The following HLCS variants were observed in gnomAD, a reference collection of about 807,000 sequenced individuals.
HLCS encodes holocarboxylase synthetase.
Under a neutral mutation model 75.0 loss-of-function variants are expected in HLCS, and 53 were observed. The observed-to-expected ratio is 0.71, with a 90% CI of 0.57 to 0.89. The LOEUF (loss-of-function observed/expected upper bound fraction) is 0.89, where lower values mean the gene tolerates loss of function less well. Ranked by LOEUF, HLCS falls within the 40% of genes least tolerant of loss-of-function variation. The pLI is 0.00. For missense variants in HLCS, 966 were observed against 1,074.0 expected (o/e 0.90, Z 1.41); for synonymous variants, 431 against 428.6 (o/e 1.01, Z -0.07).
chr21:36,826,397 T>C (rs1437483764), intron 6 of HLCS, among the ~76,000 whole-genome samples: 1 of 152,132 alleles, frequency 6.6e-6, no homozygotes, highest in Non-Finnish European at 1.5e-5. Context: ...CAGAAGTTTG[T>C]GGAATGAATG....
chr21:36,972,899 G>A (rs1248343666), intron 1 of HLCS, among the ~76,000 whole-genome samples: 1 of 152,130 alleles, frequency 6.6e-6, no homozygotes, highest in Admixed American at 6.6e-5. Flanking sequence ...CCACTGAAAT[G>A]TATAAAAAGG....
chr21:36,890,817 G>T (rs988314895), intron 6 of HLCS, among the ~76,000 whole-genome samples: 1 of 152,210 alleles, frequency 6.6e-6, no homozygotes, highest in Non-Finnish European at 1.5e-5. Flanking sequence ...CAAAAGCAGT[G>T]TTATAAGTCA....
chr21:36,960,931 C>A (rs1288086080), intron 2 of HLCS, among the ~76,000 whole-genome samples: 2 of 152,126 alleles, frequency 1.3e-5, no homozygotes, highest in African/African-American at 4.8e-5. Flanking sequence ...AAGAGGAATG[C>A]CCAAAGAAGG....
chr21:36,772,349 T>A (rs749109262), intron 6 of HLCS, among the ~76,000 whole-genome samples: 16 of 151,974 alleles, frequency 1.1e-4, no homozygotes, highest in Middle Eastern at 3.4e-3. Context: ...TATAGAAAAA[T>A]ACAGGGGCCA....
intron 5 of HLCS, among the ~76,000 whole-genome samples, chr21:36,911,571 C>T (rs372738600): frequency 1.8e-4 from 28 of 151,542 alleles, no homozygotes; most frequent in African/African-American, 6.5e-4. Flanking sequence ...GGTGAAACCC[C>T]GTATCTACTA....
At chr21:36,852,594 CT>C (rs781031716) in intron 6 of HLCS, among the ~76,000 whole-genome samples, 1 of 152,180 alleles carries the variant, frequency 6.6e-6, no homozygotes, top group Non-Finnish European at 1.5e-5. Context: ...AAACAGAGTT[CT>C]TTCTCCAAAA....
chr21:36,895,494 A>C (rs760923665), intron 6 of HLCS, among the ~76,000 whole-genome samples: 47 of 151,706 alleles, frequency 3.1e-4, no homozygotes, highest in Non-Finnish European at 5.7e-4. Context: ...CTCAGTACAC[A>C]ACAATTACTA....
intron 6 of HLCS, among the ~76,000 whole-genome samples, chr21:36,835,750 G>A (rs532033710): frequency 2.6e-5 from 4 of 152,308 alleles, no homozygotes; most frequent in South Asian, 4.2e-4. Flanking sequence ...GGCATGCCAT[G>A]GAGTAGTCTA....
chr21:36,936,945 T>C lies in HLCS; in HGVS notation c.941A>G (p.Tyr314Cys), dbSNP rs778638155. ...LTGKAPNILLYVGSDSQEALG... is the reference protein window; with the variant it reads ...LTGKAPNILLCVGSDSQEALG... ...GGCTTCCTGGGAGTCGGAGCCCACA[T>C]AGAGGAGGATGTTGGGTGCCTTTCC... Residue 314 changes from tyrosine to cysteine, a missense_variant, in exon 4 of 11, where the codon TAT becomes TGT. By Grantham distance (194) the Tyr-to-Cys change is radical. Coordinates refer to ENST00000674895, the MANE Select transcript of HLCS (RefSeq NM_001352514.2). 19 of 1,614,116 alleles carry C rather than the reference T, an allele frequency of 1.2e-5. No individual in the cohort carries two copies. Among genetic ancestry groups the C allele is most frequent in the Admixed American group, 6.7e-5 (4 of 60,000 alleles).
chr21:36,777,331 T>C (rs895410922), intron 6 of HLCS, among the ~76,000 whole-genome samples: 1 of 152,264 alleles, frequency 6.6e-6, no homozygotes, highest in African/African-American at 2.4e-5. Context: ...AAGTGTCATA[T>C]AAATTTTATT....
chr21:36,911,727 CG>C (rs1205359987), intron 5 of HLCS, among the ~76,000 whole-genome samples: 1 of 110,050 alleles, frequency 9.1e-6, no homozygotes, highest in Non-Finnish European at 1.7e-5. Context: ...CCAGCCTGGG[CG>C]ATAGAGCGAG....
intron 1 of HLCS, among the ~76,000 whole-genome samples, chr21:36,976,851 T>A (rs2068952085): frequency 9.2e-6 from 1 of 108,630 alleles, no homozygotes. Flanking sequence ...TCTCTCTAGG[T>A]CACAGTTTTT....
At chr21:36,974,613 G>C (rs992558351) in intron 1 of HLCS, 2 of 152,124 alleles carry the variant, frequency 1.3e-5, no homozygotes, top group African/African-American at 4.8e-5. Context: ...TGTTATGACT[G>C]GTATCCTTAT....
At chr21:36,938,202 A>G (rs994965783) in intron 3 of HLCS, among the ~76,000 whole-genome samples, 1 of 152,220 alleles carries the variant, frequency 6.6e-6, no homozygotes, top group African/African-American at 2.4e-5. Context: ...TTCCCACTCA[A>G]TCAGAACTGT....
chr21:36,927,625 T>C (rs889079449), intron 5 of HLCS, among the ~76,000 whole-genome samples: 1 of 152,186 alleles, frequency 6.6e-6, no homozygotes, highest in African/African-American at 2.4e-5. Flanking sequence ...GAAAGATGAA[T>C]ATTATTAACT....
chr21:36,813,205 GCA>G (rs2061562117), intron 6 of HLCS, among the ~76,000 whole-genome samples: 2 of 152,186 alleles, frequency 1.3e-5, no homozygotes, highest in Admixed American at 1.3e-4. Context: ...ACTTTAATCA[GCA>G]TTCCTCTGAA....
chr21:36,818,383 T>C (rs2061725014), intron 6 of HLCS, among the ~76,000 whole-genome samples: 1 of 152,192 alleles, frequency 6.6e-6, no homozygotes, highest in African/African-American at 2.4e-5. Context: ...GGCACACTAT[T>C]AGATTCTGAG....
chr21:36,891,916 G>T (rs1157431404), intron 6 of HLCS, among the ~76,000 whole-genome samples: 1 of 152,070 alleles, frequency 6.6e-6, no homozygotes, highest in Non-Finnish European at 1.5e-5. Context: ...TATGATTAAG[G>T]GCCTGGCCTT....
rs550238725 is a variant in HLCS at position 36,930,188 on chromosome 21, G to A, written c.1620+63C>T. The A allele has an allele frequency of 2.9e-5, 40 of 1,375,014 alleles. 1 individual carries two copies. In the South Asian group the frequency reaches 3.3e-4, roughly 11 times the overall value. 85.2% of individuals were successfully genotyped at this position (1,375,014 alleles called of 1,614,324 possible). A position where few individuals can be genotyped will look rare whatever the true frequency, so the allele number is the denominator to read the frequency against. On this transcript the variant is annotated intron_variant, in intron 5 of 10. Coordinates refer to ENST00000674895, the MANE Select transcript of HLCS (RefSeq NM_001352514.2). Reference sequence around the variant, plus strand: ...ACCAAAATAAAACAATTAAAGCAACGGGTCGCCACTGTGAAGAGGGCCACG... The same window carrying A: ...ACCAAAATAAAACAATTAAAGCAACAGGTCGCCACTGTGAAGAGGGCCACG...
Sources: gnomAD v4.1 joint callset for allele counts (sites outside exome capture counted in the v4.1 genomes callset) on GRCh38, gnomAD v4.1.1 for gene constraint, MANE v1.5 for transcripts, NCBI Gene and HGNC (gene_info 2026-07-23, HGNC 2026-07-21) for gene names.